RGL4: variants seen among roughly 807,000 people sequenced by gnomAD.
The protein encoded by RGL4 is ral-GDS-related protein.
RGL4 carries 41 observed loss-of-function variants against 49.6 expected under a neutral mutation model. The observed-to-expected ratio is 0.83, with a 90% CI of 0.64 to 1.07. The LOEUF (loss-of-function observed/expected upper bound fraction) is 1.07. Ranked by LOEUF, RGL4 falls within the 50% of genes least tolerant of loss-of-function variation. RGL4 has a pLI of 0.00. For missense variants in RGL4, 610 were observed against 591.9 expected (o/e 1.03, Z -0.32); for synonymous variants, 255 against 238.0 (o/e 1.07, Z -0.66).
Position 23,694,445 on chromosome 22 carries a change from G to A in RGL4, c.1011G>A (p.Val337=). 1 of 1,610,506 alleles carries A rather than the reference G, an allele frequency of 6.2e-7. No individual in the cohort carries two copies. The highest frequency in any genetic ancestry group is 8.5e-7 in the Non-Finnish European group (1 of 1,176,918). The change falls in exon 5 of 11, where the codon GTG becomes GTA. Residue 337 remains valine, a synonymous_variant. Coordinates refer to ENST00000290691, the MANE Select transcript of RGL4 (RefSeq NM_153615.2). ...AGCTACACAAGACGTGGGCAGGAGTGTCCAGGTGAGGAGGGCTCTCTCCAT... is the reference window on the plus strand; with the variant it reads ...AGCTACACAAGACGTGGGCAGGAGTATCCAGGTGAGGAGGGCTCTCTCCAT... ...IGQLHKTWAG[V]SSKSMKELKE... is the part of the protein sequence containing the mutation.
At position 23,692,190 on chromosome 22, in the gene RGL4, G is replaced by A. The variant is rs1245990721; in HGVS notation, c.160G>A (p.Asp54Asn). The A allele has an allele frequency of 2.5e-6, 4 of 1,613,728 alleles. No individual in the cohort carries two copies. Among genetic ancestry groups the A allele is most frequent in the Non-Finnish European group, 3.4e-6 (4 of 1,179,778 alleles). ...GTATGGCCAGGTCTGCCCCTTCCAG[G>A]ACAGCACTGATGGCTTACGGTAGGG... ...LLYGQVCPFQDSTDGLRTITS... is the reference protein window; with the variant it reads ...LLYGQVCPFQNSTDGLRTITS... Residue 54 changes from aspartate to asparagine, a missense_variant, in exon 1 of 11, where the codon GAC becomes AAC. Transcript: ENST00000290691.
chr22:23,699,006 C>T lies in RGL4; in HGVS notation c.*123C>T. The stretch of plus-strand genomic sequence containing the variant: ...CACATCTAGGAGGCTGGCAGCTCAG[C>T]TGCATCTTGCCCTGGATCCTCATCA... On this transcript the variant is annotated 3_prime_UTR_variant, in exon 11 of 11. Transcript: ENST00000290691. 6.4e-7 allele frequency: 1 copy of T among 1,551,928 alleles called. No individual in the cohort carries two copies. Among genetic ancestry groups the T allele is most frequent in the Non-Finnish European group, 8.7e-7 (1 of 1,147,596 alleles).
chr22:23,691,893 G>C lies in RGL4; in HGVS notation c.-138G>C. ...TAGGTCCCCTGCAAAGCAGAGGGGA[G>C]GCTGGGGTCACAGCTGGCCACTGAG... On this transcript the variant is annotated 5_prime_UTR_variant, in exon 1 of 11. Coordinates refer to ENST00000290691, the MANE Select transcript of RGL4 (RefSeq NM_153615.2). 1 of 808,598 alleles carries C rather than the reference G, an allele frequency of 1.2e-6. No homozygotes were observed. 50.1% of individuals were successfully genotyped at this position (808,598 alleles called of 1,614,324 possible).
chr22:23,697,563 C>A (rs1031475379), intron 8 of RGL4, among the ~76,000 whole-genome samples: 1 of 152,178 alleles, frequency 6.6e-6, no homozygotes, highest in East Asian at 1.9e-4. Context: ...TTGAGCCTCT[C>A]CAAGGGCAGG....
At chr22:23,696,150 A>G (rs894062956) in intron 6 of RGL4, among the ~76,000 whole-genome samples, 1 of 152,114 alleles carries the variant, frequency 6.6e-6, no homozygotes, top group African/African-American at 2.4e-5. Context: ...AGCCTCCAGG[A>G]GCAGAAGGAG....
intron 9 of RGL4, 67 bp downstream of exon 9, chr22:23,697,928 G>A: frequency 1.3e-6 from 2 of 1,545,196 alleles, no homozygotes; most frequent in Non-Finnish European, 1.8e-6. Flanking sequence ...ACCCTGGGCA[G>A]GACACTCCCT....
intron 8 of RGL4, 131 bp downstream of exon 8, chr22:23,697,376 T>C (rs1309729180): frequency 2.9e-6 from 2 of 690,626 alleles, no homozygotes; most frequent in Non-Finnish European, 5.0e-6. Flanking sequence ...GCTGCTCCTG[T>C]GGGTGGGGGT....
At chr22:23,698,805 G>T in intron 10 of RGL4, 39 bp from the exon 11 acceptor site, 1 of 1,589,330 alleles carries the variant, frequency 6.3e-7, no homozygotes, top group South Asian at 1.1e-5. Flanking sequence ...CCTGATGTGT[G>T]GCTCATGGTG....
Position 23,695,030 on chromosome 22 carries a change from G to A in RGL4, c.1086+11G>A, listed in dbSNP as rs746416208. ...GACCTACTGATCAAGGTACAGTGGAGTCTGGGAGATGCAGGACAAGTGTTT... is the reference window on the plus strand; with the variant it reads ...GACCTACTGATCAAGGTACAGTGGAATCTGGGAGATGCAGGACAAGTGTTT... On this transcript the variant is annotated intron_variant, in intron 6 of 10. Transcript: ENST00000290691. 13 of 1,598,306 alleles carry A rather than the reference G, an allele frequency of 8.1e-6. No homozygotes were observed. In the South Asian group the frequency reaches 9.9e-5, roughly 12 times the overall value.
intron 10 of RGL4, 154 bp downstream of exon 10, chr22:23,698,487 C>A: frequency 1.1e-6 from 1 of 886,972 alleles, no homozygotes; most frequent in Non-Finnish European, 1.8e-6. Flanking sequence ...CCTCAGCCTC[C>A]CAAGCAGCTG....
Position 23,691,192 on chromosome 22 carries a change from C to T in RGL4, c.-839C>T, listed in dbSNP as rs552664094. 6.6e-6 allele frequency: 1 copy of T among 152,340 alleles called. No individual in the cohort carries two copies. The highest frequency in any genetic ancestry group is 2.1e-4 in the South Asian group (1 of 4,832). 9.4% of individuals were successfully genotyped at this position (152,340 alleles called of 1,614,324 possible). A position where few individuals can be genotyped will look rare whatever the true frequency, so the allele number is the denominator to read the frequency against. On this transcript the variant is annotated 5_prime_UTR_variant, in exon 1 of 11. Transcript: ENST00000290691. ...GATTCATGTTTGTTACTTTTCTCTT[C>T]CCCCTCACTTGAAGCAGCTCTCAGC...
chr22:23,694,562 G>A (rs1465971569), intron 5 of RGL4, 112 bp downstream of exon 5: 3 of 753,746 alleles, frequency 4.0e-6, no homozygotes, highest in Non-Finnish European at 6.9e-6. Flanking sequence ...GGACACTGGA[G>A]GCAGGGATGG....
rs1216616209 is a variant in RGL4, at chr22:23,697,976, T to C, written c.1260+115T>C. On this transcript the variant is annotated intron_variant, in intron 9 of 10. Transcript: ENST00000290691. ...TACATCTTAGGCTTACTGGGAGTGT[T>C]TGACACACACAGGAGGAGGGGACCT... The C allele has an allele frequency of 6.0e-6, 8 of 1,332,656 alleles. No individual in the cohort carries two copies. The African/African-American group carries it at 1.2e-4, about 20-fold the overall frequency. 82.6% of individuals were successfully genotyped at this position (1,332,656 alleles called of 1,614,324 possible).
rs1195470899 is a variant in RGL4, at chr22:23,692,817, A to T, written c.522A>T (p.Pro174=). Residue 174 remains proline, a synonymous_variant, in exon 3 of 11, where the codon CCA becomes CCT. Transcript: ENST00000290691. ...GATATCTACATTCAGCACCAGGGCC[A>T]GCACCAGCACCAGGGGAAGGGCCCC... The part of the protein sequence containing the change: ...PPGYLHSAPG[P]APAPGEGPPP... 1 of 1,613,528 alleles carries T rather than the reference A, an allele frequency of 6.2e-7. No individual in the cohort carries two copies. Among genetic ancestry groups the T allele is most frequent in the African/African-American group, 1.3e-5 (1 of 74,930 alleles).
Position 23,692,712 on chromosome 22 carries a change from C to A in RGL4, c.417C>A (p.Ala139=). The change falls in exon 3 of 11, where the codon GCC becomes GCA. Residue 139 remains alanine (A), a synonymous_variant. Coordinates refer to ENST00000290691, the MANE Select transcript of RGL4 (RefSeq NM_153615.2). ...RPGQHALTMP[A]LEPAPPLLAD... is the part of the protein sequence containing the mutation. ...GGCAACACGCATTAACAATGCCGGC[C>A]CTGGAGCCAGCACCACCACTGCTGG... 6.2e-7 allele frequency: 1 copy of A among 1,612,412 alleles called. No individual in the cohort carries two copies. The highest frequency in any genetic ancestry group is 8.5e-7 in the Non-Finnish European group (1 of 1,179,424).
chr22:23,694,091 A>C, intron 4 of RGL4, 117 bp downstream of exon 4: 1 of 930,614 alleles, frequency 1.1e-6, no homozygotes, highest in Non-Finnish European at 1.7e-6. Flanking sequence ...CACATCCCCT[A>C]GGCTCTTCTT....
chr22:23,695,949 C>G (rs1017947440), intron 6 of RGL4, among the ~76,000 whole-genome samples: 3 of 152,236 alleles, frequency 2.0e-5, no homozygotes, highest in African/African-American at 7.2e-5. Flanking sequence ...ATGGCTCAAA[C>G]CCAGTTTGCG....
intron 6 of RGL4, chr22:23,695,277 C>T: frequency 4.2e-6 from 2 of 476,012 alleles, no homozygotes; most frequent in Non-Finnish European, 7.8e-6. Flanking sequence ...GGCTGCTGGG[C>T]TGCTGAGCAG....
rs1159483438 is a variant in RGL4, at chr22:23,691,981, G to T, written c.-50G>T. The T allele has an allele frequency of 1.9e-6, 3 of 1,588,146 alleles. No homozygotes were observed. The African/African-American group carries it at 4.0e-5, about 21-fold the overall frequency. ...CCCTGTCCTCCTCCCCCCGACATCT[G>T]CCCCTTCCCTCCTAACCCCAGGACC... On this transcript the variant is annotated 5_prime_UTR_variant, in exon 1 of 11. Coordinates refer to ENST00000290691, the MANE Select transcript of RGL4 (RefSeq NM_153615.2).
Sources: allele counts gnomAD v4.1 joint callset (sites outside exome capture counted in the v4.1 genomes callset), GRCh38; gene constraint gnomAD v4.1.1; transcripts MANE v1.5; gene names NCBI Gene and HGNC (gene_info 2026-07-23, HGNC 2026-07-21).